Variants in SORD observed in about 807,000 individuals in gnomAD.
SORD encodes the protein (R,R)-butanediol dehydrogenase.
Under a neutral mutation model 35.6 loss-of-function variants are expected in SORD, and 18 were observed. That is an observed-to-expected ratio of 0.51 (90% CI 0.35 to 0.75). The LOEUF (loss-of-function observed/expected upper bound fraction) is 0.75. SORD is among the 30% of genes least tolerant of loss of function. SORD has a pLI of 0.01. For synonymous variants in SORD, 106 were observed against 152.9 expected (o/e 0.69, Z 2.26); for missense variants, 250 against 390.2 (o/e 0.64, Z 3.03).
intron 1 of SORD, among the ~76,000 whole-genome samples, chr15:45,032,815 T>G (rs978766091): frequency 1.4e-4 from 21 of 151,874 alleles, no homozygotes; most frequent in African/African-American, 4.6e-4. Context: ...AAATAGCCAA[T>G]TGGGAAACCT....
chr15:45,025,817 G>C (rs112767360), intron 1 of SORD, among the ~76,000 whole-genome samples: 9 of 152,132 alleles, frequency 5.9e-5, no homozygotes, highest in African/African-American at 2.2e-4. Flanking sequence ...ATGTGTCAGG[G>C]AGGCTTGGTT....
chr15:45,048,725 G>A (rs2141273650), intron 3 of SORD, among the ~76,000 whole-genome samples: 1 of 152,304 alleles, frequency 6.6e-6, no homozygotes, highest in South Asian at 2.1e-4. Context: ...GACACCAAGA[G>A]TGAGGTTGGA....
chr15:45,052,162 G>T (rs1223480195), intron 3 of SORD, among the ~76,000 whole-genome samples: 1 of 152,166 alleles, frequency 6.6e-6, no homozygotes, highest in African/African-American at 2.4e-5. Context: ...AAGTGGCTGG[G>T]CTTAGGCAAT....
At chr15:45,026,190 G>C (rs1020116439) in intron 1 of SORD, among the ~76,000 whole-genome samples, 13 of 152,204 alleles carry the variant, frequency 8.5e-5, no homozygotes, top group Non-Finnish European at 2.9e-5. Context: ...TGGTATCACT[G>C]CTCCTCCATC....
intron 4 of SORD, among the ~76,000 whole-genome samples, chr15:45,063,388 A>G (rs1160280290): frequency 6.6e-6 from 1 of 151,906 alleles, no homozygotes; most frequent in African/African-American, 2.4e-5. Flanking sequence ...AAAGCATGAA[A>G]GGTTGGGGCT....
At chr15:45,040,261 G>A (rs1203878913) in intron 1 of SORD, 147 bp from the exon 2 acceptor site, 2 of 620,728 alleles carry the variant, frequency 3.2e-6, no homozygotes, top group East Asian at 5.6e-5. Context: ...CCTCAGGCAT[G>A]CACCCAGGAG....
rs772546981 is a variant in SORD, at chr15:45,023,359, G to A, written c.66+10G>A. 2 of 1,565,970 alleles carry A rather than the reference G, an allele frequency of 1.3e-6. No homozygotes were observed. Among genetic ancestry groups the A allele is most frequent in the African/African-American group, 1.4e-5 (1 of 72,442 alleles). On this transcript the variant is annotated intron_variant, in intron 1 of 8. Coordinates refer to ENST00000267814, the MANE Select transcript of SORD (RefSeq NM_003104.6). The stretch of plus-strand genomic sequence containing the variant: ...GGGGGACTTGCGCCTGGTAAGCTGG[G>A]AAGGAGGGTGGGAAGCATACCGATC...
intron 1 of SORD, among the ~76,000 whole-genome samples, chr15:45,026,856 C>A (rs1008543430): frequency 3.4e-5 from 5 of 145,922 alleles, no homozygotes; most frequent in African/African-American, 1.4e-4. Flanking sequence ...GGCAGTGGTT[C>A]TGTGGGGGAA....
intron 3 of SORD, among the ~76,000 whole-genome samples, chr15:45,059,366 A>C (rs923645355): frequency 7.9e-5 from 12 of 151,102 alleles, no homozygotes; most frequent in Middle Eastern, 3.4e-3. Context: ...AACATGCACA[A>C]AAAAAAAACC....
intron 4 of SORD, among the ~76,000 whole-genome samples, chr15:45,063,500 G>A (rs1012663051): frequency 5.9e-5 from 9 of 151,996 alleles, no homozygotes; most frequent in Admixed American, 1.3e-4. Flanking sequence ...CAGTGGCAGC[G>A]GGGCTGGCCT....
intron 1 of SORD, among the ~76,000 whole-genome samples, chr15:45,035,158 A>G (rs1406393861): frequency 1.3e-5 from 2 of 152,152 alleles, no homozygotes; most frequent in African/African-American, 4.8e-5. Context: ...CTCCCCGACG[A>G]GTGCCGCCCC....
intron 1 of SORD, among the ~76,000 whole-genome samples, chr15:45,027,960 A>G (rs890163454): frequency 3.9e-5 from 6 of 152,258 alleles, no homozygotes; most frequent in Admixed American, 1.3e-4. Context: ...ATGAAGGGCC[A>G]ATTTTACTTT....
chr15:45,026,192 TC>T (rs1892666196), intron 1 of SORD, among the ~76,000 whole-genome samples: 1 of 152,172 alleles, frequency 6.6e-6, no homozygotes, highest in African/African-American at 2.4e-5. Context: ...GTATCACTGC[TC>T]CTCCATCTTT....
intron 7 of SORD, among the ~76,000 whole-genome samples, chr15:45,071,002 C>A (rs1006597259): frequency 6.6e-6 from 1 of 152,198 alleles, no homozygotes; most frequent in Non-Finnish European, 1.5e-5. Context: ...ATGCTATAGG[C>A]CACCCCGCCA....
At chr15:45,057,601 G>A (rs1163009316) in intron 3 of SORD, among the ~76,000 whole-genome samples, 1 of 152,144 alleles carries the variant, frequency 6.6e-6, no homozygotes, top group East Asian at 1.9e-4. Flanking sequence ...TGGCTAACAT[G>A]GTGAAACCCC....
intron 1 of SORD, among the ~76,000 whole-genome samples, chr15:45,023,943 C>G (rs1892630675): frequency 6.6e-6 from 1 of 152,210 alleles, no homozygotes; most frequent in Admixed American, 6.5e-5. Context: ...CTGTGCCAGA[C>G]TTGTGGATCT....
At chr15:45,057,092 AC>A (rs1893229934) in intron 3 of SORD, among the ~76,000 whole-genome samples, 1 of 152,238 alleles carries the variant, frequency 6.6e-6, no homozygotes, top group African/African-American at 2.4e-5. Context: ...TTGTAAAGTT[AC>A]CTGCTGTTAG....
chr15:45,076,991 A>G lies in SORD; in HGVS notation c.*3461A>G, dbSNP rs1893586756. ...GTCTTCTGGATACCGTTTTACAAACATACTTGTTTTCATTTAATAAATGGC... is the reference window on the plus strand; with the variant it reads ...GTCTTCTGGATACCGTTTTACAAACGTACTTGTTTTCATTTAATAAATGGC... On this transcript the variant is annotated 3_prime_UTR_variant, in exon 9 of 9. Coordinates refer to ENST00000267814, the MANE Select transcript of SORD (RefSeq NM_003104.6). 1 of 149,632 alleles carries G rather than the reference A, an allele frequency of 6.7e-6. No homozygotes were observed. Among genetic ancestry groups the G allele is most frequent in the South Asian group, 2.1e-4 (1 of 4,828 alleles). The allele number at this position is 149,632 out of a possible 1,614,324, so 9.3% of individuals were successfully genotyped here.
intron 3 of SORD, among the ~76,000 whole-genome samples, chr15:45,049,160 C>T (rs1025505951): frequency 6.6e-6 from 1 of 152,188 alleles, no homozygotes; most frequent in Non-Finnish European, 1.5e-5. Flanking sequence ...TTGATTTTTC[C>T]AGGCTGCTCT....
Sources: gnomAD v4.1 joint callset for allele counts (sites outside exome capture counted in the v4.1 genomes callset) on GRCh38, gnomAD v4.1.1 for gene constraint, MANE v1.5 for transcripts, NCBI Gene and HGNC (gene_info 2026-07-23, HGNC 2026-07-21) for gene names.